CSMD1: variants seen among roughly 807,000 people sequenced by gnomAD.
The protein encoded by CSMD1 is CUB and sushi domain-containing protein 1.
A neutral mutation model predicts 417.5 loss-of-function variants in CSMD1; 213 were observed. The ratio of observed to expected loss-of-function variants is 0.51; its 90% CI spans 0.46 to 0.57. The LOEUF (loss-of-function observed/expected upper bound fraction) is 0.57. Among genes scored for constraint, CSMD1 ranks in the 20% least tolerant of loss-of-function variants. The pLI is 0.00. For missense variants in CSMD1, 6,923 were observed against 4,529.7 expected, an observed-to-expected ratio of 1.53 and a Z score of -15.17; for synonymous variants, 2,862 against 1,736.8, an observed-to-expected ratio of 1.65 and a Z score of -16.11.
rs182923899 is a variant in CSMD1 at position 4,224,093 on chromosome 8, G to C, written c.416-191994C>G. ...TAAAGGCTGATGGAACTGACCTGAGGATTTTGCCAGGCTAAGAGTAACTGA... is the reference window on the plus strand; with the variant it reads ...TAAAGGCTGATGGAACTGACCTGAGCATTTTGCCAGGCTAAGAGTAACTGA... On this transcript the variant is annotated intron_variant, in intron 3 of 69. Coordinates refer to ENST00000635120, the MANE Select transcript of CSMD1 (RefSeq NM_033225.6). Among the ~76,000 whole-genome samples the C allele has an allele frequency of 1.8e-3, 274 of 152,210 alleles. 1 individual carries two copies. Among genetic ancestry groups the C allele is most frequent in the Admixed American group, 2.8e-3 (43 of 15,288 alleles).
intron 5 of CSMD1, among the ~76,000 whole-genome samples, chr8:3,917,311 A>C (rs76624226): frequency 0.024 from 3,694 of 152,238 alleles, 152 homozygotes; most frequent in African/African-American, 0.082. Flanking sequence ...TGGGAGTAGC[A>C]GACTCAGGAG....
At chr8:4,655,308 C>T (rs963363775) in intron 1 of CSMD1, among the ~76,000 whole-genome samples, 5 of 152,078 alleles carry the variant, frequency 3.3e-5, no homozygotes, top group Admixed American at 6.5e-5. Context: ...CCTGGCTGAT[C>T]CTAGTTCCTC....
At chr8:3,300,894 G>C (rs543385821) in intron 25 of CSMD1, among the ~76,000 whole-genome samples, 6 of 144,408 alleles carry the variant, frequency 4.2e-5, no homozygotes, top group Admixed American at 3.0e-4. Context: ...AGGAGGCTGA[G>C]GTTGCAGTGA....
At chr8:3,512,752 G>T (rs11996648) in intron 10 of CSMD1, among the ~76,000 whole-genome samples, 3,517 of 151,952 alleles carry the variant, frequency 0.023, 133 homozygotes, top group African/African-American at 0.08. Flanking sequence ...GGGACTATAG[G>T]TGCATGCCAC....
chr8:3,108,724 G>A lies in CSMD1; in HGVS notation c.6633C>T (p.Pro2211=). 1 of 1,613,448 alleles carries A rather than the reference G, an allele frequency of 6.2e-7. No individual in the cohort carries two copies. The highest frequency in any genetic ancestry group is 1.1e-5 in the South Asian group (1 of 90,878). Residue 2211 remains proline, a synonymous_variant, in exon 44 of 70, where the codon CCC becomes CCT. Transcript: ENST00000635120. ...AVWDGPDQNS[P]QLGVFSGNTA... ...TGTTGCCACTGAAAACTCCCAGCTG[G>A]GGTGAGTTCTGATCGGGACCGTCCC...
chr8:3,403,479 C>A (rs1021216467), intron 15 of CSMD1, among the ~76,000 whole-genome samples: 1 of 152,166 alleles, frequency 6.6e-6, no homozygotes, highest in African/African-American at 2.4e-5. Context: ...ACATCTTTTC[C>A]TATTAACTTT....
At chr8:4,235,710 G>C (rs1678386824) in intron 3 of CSMD1, among the ~76,000 whole-genome samples, 1 of 152,276 alleles carries the variant, frequency 6.6e-6, no homozygotes, top group East Asian at 1.9e-4. Context: ...ATTTATTCTT[G>C]TGATATGTAA....
chr8:3,511,645 C>A (rs893781537), intron 10 of CSMD1, among the ~76,000 whole-genome samples: 3 of 150,008 alleles, frequency 2.0e-5, no homozygotes, highest in African/African-American at 5.1e-5. Flanking sequence ...GTGATCCCAG[C>A]TACTCAGGAG....
chr8:4,318,279 G>C (rs10097012), intron 3 of CSMD1, among the ~76,000 whole-genome samples: 2 of 151,954 alleles, frequency 1.3e-5, no homozygotes, highest in African/African-American at 4.8e-5. Context: ...CTTAATTAAA[G>C]TTTTTACTTT....
At chr8:4,223,390 C>T (rs1437630291) in intron 3 of CSMD1, among the ~76,000 whole-genome samples, 1 of 152,224 alleles carries the variant, frequency 6.6e-6, no homozygotes, top group African/African-American at 2.4e-5. Flanking sequence ...ATTCAGCTGC[C>T]GCCAAGGTAA....
At chr8:4,481,574 ATT>A (rs1048085022) in intron 2 of CSMD1, among the ~76,000 whole-genome samples, 2 of 152,152 alleles carry the variant, frequency 1.3e-5, no homozygotes, top group Admixed American at 6.5e-5. Context: ...CTAAGCTAAT[ATT>A]TTTCACGTGT....
chr8:3,963,935 A>C (rs1025898875), intron 5 of CSMD1, among the ~76,000 whole-genome samples: 1 of 152,212 alleles, frequency 6.6e-6, no homozygotes, highest in Non-Finnish European at 1.5e-5. Context: ...CCCTTTCAGA[A>C]GAAAAAGAAG....
intron 20 of CSMD1, among the ~76,000 whole-genome samples, chr8:3,360,710 T>A (rs527917187): frequency 2.0e-5 from 3 of 152,162 alleles, no homozygotes; most frequent in Admixed American, 6.5e-5. Flanking sequence ...ACTATGCTAA[T>A]CTTTCTAAAA....
intron 3 of CSMD1, among the ~76,000 whole-genome samples, chr8:4,389,355 G>A (rs538926123): frequency 6.6e-6 from 1 of 152,148 alleles, no homozygotes; most frequent in Non-Finnish European, 1.5e-5. Context: ...GAGCTGATAT[G>A]TGGAGGGAGT....
At chr8:4,330,909 A>T (rs1036048576) in intron 3 of CSMD1, among the ~76,000 whole-genome samples, 1 of 152,118 alleles carries the variant, frequency 6.6e-6, no homozygotes, top group Admixed American at 6.6e-5. Flanking sequence ...ATGTATGCCC[A>T]GCACCCTACA....
chr8:3,454,120 G>C (rs1379068832), intron 12 of CSMD1, among the ~76,000 whole-genome samples: 1 of 152,112 alleles, frequency 6.6e-6, no homozygotes, highest in Admixed American at 6.5e-5. Context: ...TTTTATCAGA[G>C]ACTAGGATTG....
intron 1 of CSMD1, among the ~76,000 whole-genome samples, chr8:4,878,215 G>C (rs1371293899): frequency 6.6e-6 from 1 of 151,814 alleles, no homozygotes; most frequent in East Asian, 1.9e-4. Flanking sequence ...GAAAAGATAA[G>C]GTGAGAAAAG....
At chr8:4,501,487 A>C (rs1452681162) in intron 2 of CSMD1, among the ~76,000 whole-genome samples, 2 of 152,106 alleles carry the variant, frequency 1.3e-5, no homozygotes, top group African/African-American at 4.8e-5. Flanking sequence ...AACTCTCTTA[A>C]ATGTTTCACG....
At chr8:4,732,318 G>C (rs1809938334) in intron 1 of CSMD1, among the ~76,000 whole-genome samples, 1 of 149,986 alleles carries the variant, frequency 6.7e-6, no homozygotes, top group African/African-American at 2.5e-5. Flanking sequence ...GACACCTGAA[G>C]AGTTAATAGA....
Sources: gnomAD v4.1 joint callset for allele counts (sites outside exome capture counted in the v4.1 genomes callset) on GRCh38, gnomAD v4.1.1 for gene constraint, MANE v1.5 for transcripts, NCBI Gene and HGNC (gene_info 2026-07-23, HGNC 2026-07-21) for gene names.